The following GAS7 variants were observed in gnomAD, a reference collection of about 807,000 sequenced individuals.
GAS7 encodes the protein growth arrest specific 7.
Under a neutral mutation model 71.1 loss-of-function variants are expected in GAS7, and 28 were observed. The observed-to-expected ratio is 0.39, with a 90% CI of 0.29 to 0.54. GAS7 has a LOEUF of 0.54. GAS7 is among the 20% of genes least tolerant of loss of function. GAS7 has a pLI of 0.62. For missense variants in GAS7, 436 were observed against 627.8 expected (o/e 0.69, Z 3.27); for synonymous variants, 258 against 245.8 (o/e 1.05, Z -0.46).
chr17:9,967,325 T>C (rs8078975), intron 4 of GAS7, among the ~76,000 whole-genome samples: 1,583 of 152,284 alleles, frequency 0.01, 27 homozygotes, highest in African/African-American at 0.036. Context: ...GCACGATTCA[T>C]GTTTTCAAGT....
rs2074167695 is a variant in GAS7 at position 10,151,699 on chromosome 17, C to G, written c.183+46509G>C. On this transcript the variant is annotated intron_variant, in intron 1 of 13. Transcript: ENST00000432992. Reference sequence around the variant, plus strand: ...AGCTAGGGCTACAGGTGTACACCACCATGCCCAGCTACTTTTTTTATTTTT... The same window carrying G: ...AGCTAGGGCTACAGGTGTACACCACGATGCCCAGCTACTTTTTTTATTTTT... Among the ~76,000 whole-genome samples, 3 of 152,240 alleles carry G rather than the reference C, an allele frequency of 2.0e-5. No individual in the cohort carries two copies. In the South Asian group the frequency reaches 6.2e-4, roughly 32 times the overall value.
chr17:10,053,598 C>T (rs1224763583), intron 1 of GAS7, among the ~76,000 whole-genome samples: 1 of 152,154 alleles, frequency 6.6e-6, no homozygotes, highest in Non-Finnish European at 1.5e-5. Flanking sequence ...GTTGAAGGCA[C>T]CAGGTCTCTT....
chr17:9,939,614 C>CTT (rs548573216), intron 8 of GAS7, among the ~76,000 whole-genome samples: 1 of 144,330 alleles, frequency 6.9e-6, no homozygotes. Flanking sequence ...GTGGAAGTGC[C>CTT]TTTTTTTTTT....
intron 1 of GAS7, among the ~76,000 whole-genome samples, chr17:10,118,105 G>T (rs140678932): frequency 6.6e-6 from 1 of 152,224 alleles, no homozygotes; most frequent in Non-Finnish European, 1.5e-5. Context: ...CCAGGACCCT[G>T]TTGCTCTCCA....
intron 1 of GAS7, among the ~76,000 whole-genome samples, chr17:10,071,129 G>A (rs997743216): frequency 6.6e-6 from 1 of 151,610 alleles, no homozygotes; most frequent in African/African-American, 2.4e-5. Context: ...CCAGTTGGTG[G>A]GGTGTTCCCA....
At position 9,974,339 on chromosome 17, in the gene GAS7, C is replaced by T. The variant is rs986293462; in HGVS notation, c.386-4577G>A. 3.3e-5 allele frequency among the ~76,000 whole-genome samples: 5 copies of T among 152,258 alleles called. No homozygotes were observed. The highest frequency in any genetic ancestry group is 3.4e-3 in the Middle Eastern group (1 of 294). On this transcript the variant is annotated intron_variant, in intron 3 of 13. Transcript: ENST00000432992. This position sits in a 1 kb window ranked among gnomAD's most constrained non-coding sequence, Gnocchi z 4.0. ...ACAAGATCCTGGCAACCCTCACCCACGGCATTCCTCATTGCTATTCCCTGT... is the reference window on the plus strand; with the variant it reads ...ACAAGATCCTGGCAACCCTCACCCATGGCATTCCTCATTGCTATTCCCTGT...
intron 6 of GAS7, among the ~76,000 whole-genome samples, chr17:9,945,987 A>C (rs908976946): frequency 1.3e-5 from 2 of 152,166 alleles, no homozygotes; most frequent in African/African-American, 4.8e-5. Flanking sequence ...CTCTGTCTCA[A>C]AAAATCCATT....
At chr17:10,136,002 A>T (rs1234948421) in intron 1 of GAS7, among the ~76,000 whole-genome samples, 2 of 152,196 alleles carry the variant, frequency 1.3e-5, no homozygotes, top group African/African-American at 4.8e-5. Flanking sequence ...GGCCCCACTG[A>T]GCAGGGGGGT....
intron 5 of GAS7, among the ~76,000 whole-genome samples, chr17:9,948,412 C>T (rs949574341): frequency 2.1e-4 from 32 of 152,188 alleles, no homozygotes; most frequent in African/African-American, 6.8e-4. Flanking sequence ...GGGCCGGGCA[C>T]GGCAGTTCAC....
intron 1 of GAS7, among the ~76,000 whole-genome samples, chr17:10,164,404 T>C (rs2074277642): frequency 6.8e-6 from 1 of 146,508 alleles, no homozygotes; most frequent in South Asian, 2.1e-4. Flanking sequence ...TTCACGCCAC[T>C]GCACTCCAGC....
At chr17:9,948,542 G>A (rs1412183870) in intron 5 of GAS7, among the ~76,000 whole-genome samples, 1 of 152,170 alleles carries the variant, frequency 6.6e-6, no homozygotes, top group Non-Finnish European at 1.5e-5. Flanking sequence ...AATTAGCCAG[G>A]CGTGGTGGCA....
intron 5 of GAS7, among the ~76,000 whole-genome samples, chr17:9,957,944 C>T (rs1262900409): frequency 2.0e-5 from 3 of 152,176 alleles, no homozygotes; most frequent in Non-Finnish European, 4.4e-5. Flanking sequence ...GCTGGGTGAC[C>T]GTGAGCAAGG....
intron 1 of GAS7, among the ~76,000 whole-genome samples, chr17:10,045,455 G>A (rs928926914): frequency 1.3e-5 from 2 of 152,166 alleles, no homozygotes; most frequent in African/African-American, 4.8e-5. Flanking sequence ...CCAGCATTTT[G>A]GGAGGCCGAG....
chr17:10,032,279 G>A (rs1021682610), intron 1 of GAS7, among the ~76,000 whole-genome samples: 4 of 152,110 alleles, frequency 2.6e-5, no homozygotes, highest in African/African-American at 4.8e-5. Flanking sequence ...GACTGTGCTC[G>A]CTGGCTTTTG....
chr17:9,944,771 C>A (rs555397999), intron 6 of GAS7, among the ~76,000 whole-genome samples: 1 of 152,308 alleles, frequency 6.6e-6, no homozygotes, highest in African/African-American at 2.4e-5. Flanking sequence ...CTGTGCTTCA[C>A]TCTACGAATG....
chr17:10,001,342 A>G (rs1165573206), intron 2 of GAS7, among the ~76,000 whole-genome samples: 2 of 152,206 alleles, frequency 1.3e-5, no homozygotes, highest in African/African-American at 4.8e-5. Context: ...ATACAGGTCC[A>G]GGGAAGAAAC....
chr17:10,111,469 G>C (rs11654630), intron 1 of GAS7, among the ~76,000 whole-genome samples: 151,527 of 151,578 alleles, frequency 1, 75,738 homozygotes, highest in Middle Eastern at 1. Context: ...GGAGGCGGAC[G>C]TTGCAGTGAG....
chr17:9,919,495 A>G lies in GAS7; in HGVS notation c.1218+131T>C, dbSNP rs542136602. ...GGCTCACATTGAGGTTTCGACCCCA[A>G]CACTGAAGTAGATTTGATGACCATC... is the stretch of plus-strand genomic sequence containing the variant. On this transcript the variant is annotated intron_variant, in intron 12 of 13. Coordinates refer to ENST00000432992, the MANE Select transcript of GAS7 (RefSeq NM_201433.2). This position sits in a 1 kb window ranked among gnomAD's most constrained non-coding sequence, Gnocchi z 5.0. 170 of 757,260 alleles carry G rather than the reference A, an allele frequency of 2.2e-4. No homozygotes were observed. The African/African-American group carries it at 2.4e-3, about 11-fold the overall frequency. 46.9% of individuals were successfully genotyped at this position (757,260 alleles called of 1,614,324 possible). A position where few individuals can be genotyped will look rare whatever the true frequency, so the allele number is the denominator to read the frequency against.
intron 4 of GAS7, among the ~76,000 whole-genome samples, chr17:9,961,279 C>T (rs1448688118): frequency 1.3e-5 from 2 of 152,178 alleles, no homozygotes; most frequent in East Asian, 1.9e-4. Flanking sequence ...TCCCACTTGA[C>T]AAAACTGCAC....
Sources: allele counts gnomAD v4.1 joint callset (sites outside exome capture counted in the v4.1 genomes callset), GRCh38; gene constraint gnomAD v4.1.1; non-coding constraint Gnocchi (gnomAD v3.1); transcripts MANE v1.5; gene names NCBI Gene and HGNC (gene_info 2026-07-23, HGNC 2026-07-21).